The following CLEC4A variants were observed in gnomAD, a reference collection of about 807,000 sequenced individuals.
CLEC4A encodes the protein C-type (calcium dependent, carbohydrate-recognition domain) lectin, superfamily member 6.
In CLEC4A, 27 loss-of-function variants were observed where a neutral mutation model predicts 32.7. The observed-to-expected ratio is 0.83, with a 90% CI of 0.61 to 1.14. CLEC4A has a LOEUF of 1.14. Ranked by LOEUF, CLEC4A falls within the 50% of genes most tolerant of loss-of-function variation. The pLI is 0.00. For missense variants in CLEC4A, 253 were observed against 274.6 expected (o/e 0.92, Z 0.55); for synonymous variants, 89 against 93.7 (o/e 0.95, Z 0.29).
intron 2 of CLEC4A, 42 bp downstream of exon 2, chr12:8,125,719 A>G (rs961365747): frequency 1.2e-5 from 14 of 1,168,906 alleles, no homozygotes; most frequent in Non-Finnish European, 1.5e-5. Flanking sequence ...TCTGCTGTCC[A>G]TGAACAGAGG....
rs117126308 is a variant in CLEC4A at position 8,138,203 on chromosome 12, A to G, written c.630A>G (p.Lys210=). ...GCTGCGTTGTGCTAAATTTTCGTAA[A>G]TCACCCAAAAGATGGGGCTGGAATG... ...NERCVVLNFR[K]SPKRWGWNDV... Residue 210 remains lysine, a synonymous_variant, in exon 6 of 6, where the codon AAA becomes AAG. Coordinates refer to ENST00000229332, the MANE Select transcript of CLEC4A (RefSeq NM_016184.4). 1,041 of 1,614,158 alleles carry G rather than the reference A, an allele frequency of 6.4e-4. 2 individuals are homozygous for G. Among genetic ancestry groups the G allele is most frequent in the Non-Finnish European group, 7.1e-4 (835 of 1,180,030 alleles).
intron 3 of CLEC4A, 23 bp from the exon 4 acceptor site, chr12:8,135,562 A>G (rs958014760): frequency 1.2e-6 from 2 of 1,613,058 alleles, no homozygotes; most frequent in South Asian, 1.1e-5. Flanking sequence ...TATTGCACGT[A>G]TGTGCCCCTC....
At chr12:8,105,351 C>CT in the CLEC4A span, among the ~76,000 whole-genome samples, 3,801 of 136,144 alleles carry the variant, frequency 0.028, 72 homozygotes, top group South Asian at 0.066. Context: ...TTTTTCTTTT[C>CT]TTTTTTTTTT....
Position 8,138,299 on chromosome 12 carries a change from T to G in CLEC4A, c.*12T>G. On this transcript the variant is annotated 3_prime_UTR_variant, in exon 6 of 6. Transcript: ENST00000229332. ...AGATCCACTTATGAACTGAACATTC[T>G]CCATGAACAGGTGGTTGGATTGGTA... 6.2e-7 allele frequency: 1 copy of G among 1,613,986 alleles called. No individual in the cohort carries two copies. Among genetic ancestry groups the G allele is most frequent in the South Asian group, 1.1e-5 (1 of 91,068 alleles).
At chr12:8,120,256 G>T (rs79901075), upstream of CLEC4A, among the ~76,000 whole-genome samples, 1,970 of 152,150 alleles carry the variant, frequency 0.013, 47 homozygotes, top group African/African-American at 0.045. Flanking sequence ...CATGGCTCAG[G>T]GCTTCAATGC....
chr12:8,123,684 T>A lies in CLEC4A; in HGVS notation c.-195T>A. 1 of 538,996 alleles carries A rather than the reference T, an allele frequency of 1.9e-6. No individual in the cohort carries two copies. Among genetic ancestry groups the A allele is most frequent in the Non-Finnish European group, 3.3e-6 (1 of 302,602 alleles). 33.4% of individuals were successfully genotyped at this position (538,996 alleles called of 1,614,324 possible). A position where few individuals can be genotyped will look rare whatever the true frequency, so the allele number is the denominator to read the frequency against. On this transcript the variant is annotated 5_prime_UTR_variant, in exon 1 of 6. Transcript: ENST00000229332. ...GGAAAGGGCTTCTGTGAACTGCGGT[T>A]TTTAGTTTTTATTGTGGTTCTTAGT...
upstream of CLEC4A, among the ~76,000 whole-genome samples, chr12:8,119,998 A>G (rs920423774): frequency 6.6e-6 from 1 of 152,222 alleles, no homozygotes. Context: ...ACAAATCAGA[A>G]CCAGCCAGAG....
the CLEC4A span, among the ~76,000 whole-genome samples, chr12:8,105,413 G>A: frequency 2.0e-5 from 3 of 150,894 alleles, no homozygotes; most frequent in African/African-American, 7.3e-5. Flanking sequence ...GCAATGGCAC[G>A]ATCTCGGCTC....
chr12:8,132,978 G>A (rs1467643222), intron 3 of CLEC4A, among the ~76,000 whole-genome samples: 1 of 151,900 alleles, frequency 6.6e-6, no homozygotes, highest in African/African-American at 2.4e-5. Context: ...GCAGTGGTGC[G>A]ATCTCAGCTC....
chr12:8,119,674 C>A (rs756095170), upstream of CLEC4A, among the ~76,000 whole-genome samples: 1 of 152,216 alleles, frequency 6.6e-6, no homozygotes, highest in Non-Finnish European at 1.5e-5. Context: ...GCCATCATAT[C>A]AATATAAATA....
chr12:8,128,252 C>T (rs1323266090), intron 2 of CLEC4A, among the ~76,000 whole-genome samples: 1 of 151,826 alleles, frequency 6.6e-6, no homozygotes, highest in Non-Finnish European at 1.5e-5. Context: ...TGGGGTCAAG[C>T]CTTTAAGGAA....
chr12:8,106,882 TTGTC>T, the CLEC4A span, among the ~76,000 whole-genome samples: 2 of 152,178 alleles, frequency 1.3e-5, no homozygotes, highest in Admixed American at 1.3e-4. Flanking sequence ...TCTCGCCTGA[TTGTC>T]CTGCCTAGAA....
upstream of CLEC4A, among the ~76,000 whole-genome samples, chr12:8,119,370 A>G (rs1947813249): frequency 6.6e-6 from 1 of 152,086 alleles, no homozygotes; most frequent in Admixed American, 6.5e-5. Context: ...GCTTATAGGC[A>G]TGCACCACCA....
chr12:8,103,469 C>T, the CLEC4A span, among the ~76,000 whole-genome samples: 1 of 130,534 alleles, frequency 7.7e-6, no homozygotes, highest in South Asian at 2.6e-4. Context: ...TCACTGCAAG[C>T]TTTGCCTCCC....
upstream of CLEC4A, chr12:8,121,888 G>A (rs1463283768): frequency 6.5e-6 from 1 of 153,272 alleles, no homozygotes; most frequent in African/African-American, 2.4e-5. Flanking sequence ...GGCCAGCCTG[G>A]TATGTATGTC....
intron 2 of CLEC4A, among the ~76,000 whole-genome samples, chr12:8,126,170 T>C (rs1947897989): frequency 6.6e-6 from 1 of 152,146 alleles, no homozygotes; most frequent in Non-Finnish European, 1.5e-5. Flanking sequence ...AAAAGTCAAT[T>C]TTGCAAATTA....
At chr12:8,135,845 G>A (rs1948107747) in intron 4 of CLEC4A, 109 bp downstream of exon 4, 2 of 1,127,668 alleles carry the variant, frequency 1.8e-6, no homozygotes, top group African/African-American at 1.6e-5. Flanking sequence ...TGTGGCAGAA[G>A]GCTTTCAATA....
chr12:8,107,099 A>G, the CLEC4A span, among the ~76,000 whole-genome samples: 1 of 152,126 alleles, frequency 6.6e-6, no homozygotes, highest in Non-Finnish European at 1.5e-5. Flanking sequence ...GTTGAATTTT[A>G]TCAAAAGCCT....
intron 5 of CLEC4A, 32 bp downstream of exon 5, chr12:8,136,935 G>A: frequency 6.9e-7 from 1 of 1,459,196 alleles, no homozygotes; most frequent in Non-Finnish European, 9.6e-7. Flanking sequence ...AGAATCTTGG[G>A]TCCTGGATCA....
Sources: gnomAD v4.1 joint callset for allele counts (sites outside exome capture counted in the v4.1 genomes callset) on GRCh38, gnomAD v4.1.1 for gene constraint, MANE v1.5 for transcripts, NCBI Gene and HGNC (gene_info 2026-07-23, HGNC 2026-07-21) for gene names.